The following BLTP1 variants were observed in gnomAD, a reference collection of about 807,000 sequenced individuals.
BLTP1 encodes the protein fragile site-associated protein.
the BLTP1 span, chr4:122,173,120 A>C: frequency 6.2e-7 from 1 of 1,611,266 alleles, no homozygotes; most frequent in Non-Finnish European, 8.5e-7. Context: ...CTAGTTCTTA[A>C]CAGATTATAC....
At chr4:122,306,693 T>C in the BLTP1 span, 1 of 947,610 alleles carries the variant, frequency 1.1e-6, no homozygotes, top group African/African-American at 1.8e-5. Context: ...TGAATGTGTT[T>C]AAACACATAA....
the BLTP1 span, among the ~76,000 whole-genome samples, chr4:122,199,603 T>C: frequency 6.6e-6 from 1 of 152,196 alleles, no homozygotes; most frequent in Non-Finnish European, 1.5e-5. Flanking sequence ...CCCAGTGCTA[T>C]GGACTCCTGT....
At chr4:122,271,736 T>G in the BLTP1 span, 1 of 1,509,630 alleles carries the variant, frequency 6.6e-7, no homozygotes. Flanking sequence ...TAACAGACAT[T>G]TTTATGTTTT....
chr4:122,199,040 G>T, the BLTP1 span, among the ~76,000 whole-genome samples: 1 of 152,132 alleles, frequency 6.6e-6, no homozygotes, highest in Non-Finnish European at 1.5e-5. Flanking sequence ...ATGTACCCTT[G>T]AGTCAGTGGA....
the BLTP1 span, chr4:122,243,044 T>C: frequency 6.2e-7 from 1 of 1,612,676 alleles, no homozygotes. Context: ...GACAGAGGCA[T>C]GCAACTTTCA....
the BLTP1 span, chr4:122,248,195 T>A: frequency 1.3e-6 from 1 of 792,124 alleles, no homozygotes; most frequent in Non-Finnish European, 1.5e-6. Flanking sequence ...CATGACTACC[T>A]AAGATCTGTA....
the BLTP1 span, among the ~76,000 whole-genome samples, chr4:122,231,465 TTGG>T: frequency 1.1e-4 from 16 of 152,220 alleles, no homozygotes; most frequent in African/African-American, 3.1e-4. Context: ...TACTGGGGTC[TTGG>T]TGGTTTTCAA....
At chr4:122,164,662 A>G in the BLTP1 span, among the ~76,000 whole-genome samples, 6 of 152,126 alleles carry the variant, frequency 3.9e-5, no homozygotes, top group Middle Eastern at 3.4e-3. Flanking sequence ...ATGTGACTAT[A>G]TAGAATTTTG....
chr4:122,349,800 G>T, the BLTP1 span: 1 of 1,586,326 alleles, frequency 6.3e-7, no homozygotes, highest in Non-Finnish European at 8.6e-7. This position sits in a 1 kb window ranked among gnomAD's most constrained non-coding sequence, Gnocchi z 4.5. Flanking sequence ...AATGTTTCTT[G>T]TACTTTTTGA....
the BLTP1 span, among the ~76,000 whole-genome samples, chr4:122,239,116 G>A: frequency 5.3e-5 from 8 of 152,236 alleles, no homozygotes; most frequent in African/African-American, 1.7e-4. Flanking sequence ...AGTTGCTGAA[G>A]TCAGAAATAC....
At chr4:122,300,819 G>C in the BLTP1 span, 1 of 611,246 alleles carries the variant, frequency 1.6e-6, no homozygotes, top group Non-Finnish European at 2.0e-6. Flanking sequence ...TGAAAGATAG[G>C]CAGGCAGAAT....
the BLTP1 span, chr4:122,309,248 C>CTTTATTATTTCT: frequency 1.5e-5 from 24 of 1,599,250 alleles, no homozygotes; most frequent in African/African-American, 5.4e-5. Context: ...CTTATTTCTT[C>CTTTATTATTTCT]TTTAATATAT....
the BLTP1 span, among the ~76,000 whole-genome samples, chr4:122,253,594 A>G: frequency 1.3e-5 from 2 of 152,114 alleles, no homozygotes; most frequent in South Asian, 4.1e-4. Flanking sequence ...GTTTGAAAAT[A>G]CATAGAGGAG....
chr4:122,166,287 C>T, the BLTP1 span, among the ~76,000 whole-genome samples: 1 of 152,188 alleles, frequency 6.6e-6, no homozygotes, highest in Non-Finnish European at 1.5e-5. Flanking sequence ...CAGCTTTCTA[C>T]ATATGGCTAG....
the BLTP1 span, chr4:122,318,301 G>T: frequency 1.3e-6 from 2 of 1,588,620 alleles, no homozygotes; most frequent in South Asian, 2.3e-5. Flanking sequence ...CAATGCTGGT[G>T]ACAAAACCAC....
chr4:122,316,888 T>TA, the BLTP1 span: 39 of 1,453,626 alleles, frequency 2.7e-5, no homozygotes, highest in East Asian at 8.5e-4. Context: ...TTTAATTTAA[T>TA]ATAATGTTCC....
At chr4:122,350,213 G>A in the BLTP1 span, 1 of 1,432,934 alleles carries the variant, frequency 7.0e-7, no homozygotes, top group Non-Finnish European at 9.1e-7. Context: ...GTTAGCAAAG[G>A]ACCAGAATTT....
chr4:122,254,646 A>T, the BLTP1 span: 1 of 894,428 alleles, frequency 1.1e-6, no homozygotes, highest in African/African-American at 1.9e-5. Context: ...ATTTTTTTTA[A>T]CATTTCTTAG....
chr4:122,228,409 C>G, the BLTP1 span, among the ~76,000 whole-genome samples: 1 of 152,152 alleles, frequency 6.6e-6, no homozygotes, highest in African/African-American at 2.4e-5. Flanking sequence ...GCCCCTACCT[C>G]AGGCAACTAC....
Sources: allele counts gnomAD v4.1 joint callset (sites outside exome capture counted in the v4.1 genomes callset), GRCh38; gene constraint gnomAD v4.1.1; non-coding constraint Gnocchi (gnomAD v3.1); transcripts MANE v1.5; gene names NCBI Gene and HGNC (gene_info 2026-07-23, HGNC 2026-07-21).